POGLUT3: variants seen among roughly 807,000 people sequenced by gnomAD.
POGLUT3 encodes the protein KDEL (Lys-Asp-Glu-Leu) containing 2.
In POGLUT3, 48 loss-of-function variants were observed where a neutral mutation model predicts 54.3. The ratio of observed to expected loss-of-function variants is 0.88; its 90% CI spans 0.70 to 1.12. The LOEUF (loss-of-function observed/expected upper bound fraction) is 1.12. Ranked by LOEUF, POGLUT3 falls within the 50% of genes most tolerant of loss-of-function variation. The pLI is 0.00. For synonymous variants in POGLUT3, 218 were observed against 237.4 expected, an observed-to-expected ratio of 0.92 and a Z score of 0.75; for missense variants, 629 against 618.7, an observed-to-expected ratio of 1.02 and a Z score of -0.18.
chr11:108,479,630 T>C, intron 5 of POGLUT3, 135 bp from the exon 6 acceptor site: 1 of 542,248 alleles, frequency 1.8e-6, no homozygotes, highest in Admixed American at 3.9e-5. Context: ...AAAAGTTTTA[T>C]TTTATAACTT....
chr11:108,488,244 C>G (rs1020453291), intron 2 of POGLUT3, among the ~76,000 whole-genome samples: 1 of 151,938 alleles, frequency 6.6e-6, no homozygotes, highest in African/African-American at 2.4e-5. Context: ...AGGTTGGTCT[C>G]GAACTCCTGA....
intron 1 of POGLUT3, among the ~76,000 whole-genome samples, chr11:108,496,912 A>G (rs1222453343): frequency 6.6e-6 from 1 of 152,184 alleles, no homozygotes. Context: ...TTTCCCGAAC[A>G]CCACGGTCTC....
rs540337259 is a variant in POGLUT3 at position 108,498,243 on chromosome 11, C to G, written c.124G>C (p.Ala42Pro). The G allele has an allele frequency of 4.6e-6, 7 of 1,508,480 alleles. No homozygotes were observed. The South Asian group carries it at 8.8e-5, about 19-fold the overall frequency. 93.4% of individuals were successfully genotyped at this position (1,508,480 alleles called of 1,614,324 possible). A position where few individuals can be genotyped will look rare whatever the true frequency, so the allele number is the denominator to read the frequency against. ...SLVWGPGLQA[A>P]VVLPVRYFYL... is the part of the protein sequence containing the mutation. ...AAATAGCGGACCGGCAGGACGACGG[C>G]CGCCTGCAGCCCGGGCCCCCACACC... The change falls in exon 1 of 8, where the codon GCC becomes CCC. Residue 42 changes from alanine (A) to proline (P), a missense_variant. Ala to Pro is a conservative substitution (Grantham distance 27). Coordinates refer to ENST00000323468, the MANE Select transcript of POGLUT3 (RefSeq NM_153705.5).
Position 108,474,508 on chromosome 11 carries a change from A to G in POGLUT3, c.*319T>C, listed in dbSNP as rs2093576432. The G allele has an allele frequency of 6.1e-6, 1 of 164,258 alleles. No homozygotes were observed. Among genetic ancestry groups the G allele is most frequent in the Non-Finnish European group, 1.3e-5 (1 of 76,126 alleles). The allele number at this position is 164,258 out of a possible 1,614,324, so 10.2% of individuals were successfully genotyped here. ...ATTATTAAAAATATTATATAAAATT[A>G]CCTTCAGGGTATGTGAACAAGGTAT... On this transcript the variant is annotated 3_prime_UTR_variant, in exon 8 of 8. Coordinates refer to ENST00000323468, the MANE Select transcript of POGLUT3 (RefSeq NM_153705.5).
chr11:108,482,090 G>C lies in POGLUT3; in HGVS notation c.817C>G (p.Leu273Val), dbSNP rs2093593929. The C allele has an allele frequency of 8.1e-6, 13 of 1,614,094 alleles. No homozygotes were observed. The highest frequency in any genetic ancestry group is 9.3e-6 in the Non-Finnish European group (11 of 1,180,006). ...GAGTGGGTGATGTCATACGTTGGAA[G>C]GACAACATCTCTTGAATCCAGAGAG... ...CGSLDSRDVV[L>V]PTYDITHSML... The change falls in exon 4 of 8, where the codon CTT becomes GTT. Residue 273 changes from leucine to valine, a missense_variant. Transcript: ENST00000323468.
rs1312245919 is a variant in POGLUT3, at chr11:108,480,078, C to T, written c.1099-583G>A. 4.6e-5 allele frequency among the ~76,000 whole-genome samples: 7 copies of T among 152,192 alleles called. No individual in the cohort carries two copies. The East Asian group carries it at 1.3e-3, about 29-fold the overall frequency. ...CTCAAACTCCTGACCTCAGGTGATT[C>T]GCCCGCCTCAGCCTCCCAAAGTGCT... On this transcript the variant is annotated intron_variant, in intron 5 of 7. Transcript: ENST00000323468.
chr11:108,498,023 A>C (rs2093625408), intron 1 of POGLUT3, 142 bp downstream of exon 1: 1 of 614,284 alleles, frequency 1.6e-6, no homozygotes, highest in South Asian at 2.6e-5. Flanking sequence ...GGGCGGGAGG[A>C]GGGAAGAGGA....
chr11:108,485,646 T>C (rs1166830794), intron 3 of POGLUT3, among the ~76,000 whole-genome samples: 2 of 149,580 alleles, frequency 1.3e-5, no homozygotes, highest in East Asian at 3.9e-4. Context: ...TTTTATTTAT[T>C]TATTTATTTA....
At position 108,485,232 on chromosome 11, in the gene POGLUT3, A is replaced by G. The variant is rs551954590; in HGVS notation, c.684+925T>C. On this transcript the variant is annotated intron_variant, in intron 3 of 7. Transcript: ENST00000323468. Reference sequence around the variant, plus strand: ...CTTCTAGGTATGCTTAGGGTAAAACAAGGAAAATGTGTTCTAAGTTCAAGT... The same window carrying G: ...CTTCTAGGTATGCTTAGGGTAAAACGAGGAAAATGTGTTCTAAGTTCAAGT... Among the ~76,000 whole-genome samples, 7 of 152,356 alleles carry G rather than the reference A, an allele frequency of 4.6e-5. No homozygotes were observed. The South Asian group carries it at 1.5e-3, about 32-fold the overall frequency.
At position 108,477,589 on chromosome 11, in the gene POGLUT3, C is replaced by G. The variant is rs761467570; in HGVS notation, c.1398+18G>C. ...AGGACACCCGACCCAGCAGTGTGGA[C>G]GGACACTCTGAACTGACCTGCAGTA... On this transcript the variant is annotated intron_variant, in intron 7 of 7. Coordinates refer to ENST00000323468, the MANE Select transcript of POGLUT3 (RefSeq NM_153705.5). The G allele has an allele frequency of 2.7e-6, 4 of 1,493,546 alleles. No homozygotes were observed. The highest frequency in any genetic ancestry group is 2.8e-6 in the Non-Finnish European group (3 of 1,073,218). The allele number at this position is 1,493,546 out of a possible 1,614,324, so 92.5% of individuals were successfully genotyped here. A position where few individuals can be genotyped will look rare whatever the true frequency, so the allele number is the denominator to read the frequency against.
At chr11:108,494,708 T>A (rs2093619147) in intron 1 of POGLUT3, among the ~76,000 whole-genome samples, 1 of 152,222 alleles carries the variant, frequency 6.6e-6, no homozygotes, top group East Asian at 1.9e-4. Context: ...GAGGTAAGAT[T>A]ATTTTATGAA....
intron 5 of POGLUT3, 22 bp from the exon 6 acceptor site, chr11:108,479,517 T>TAAAC (rs745428183): frequency 1.3e-6 from 2 of 1,557,410 alleles, no homozygotes; most frequent in Non-Finnish European, 1.7e-6. Flanking sequence ...AAAACAAACA[T>TAAAC]AAACAAACTT....
chr11:108,486,380 A>G lies in POGLUT3; in HGVS notation c.461T>C (p.Leu154Pro), dbSNP rs1271863878. 6 of 1,614,180 alleles carry G rather than the reference A, an allele frequency of 3.7e-6. No individual in the cohort carries two copies. Among genetic ancestry groups the G allele is most frequent in the Non-Finnish European group, 5.1e-6 (6 of 1,180,028 alleles). ...CTGTGGTTCCTTGGTTGGACAAGAA[A>G]GAGTCTTCTGCCAGGCCTGAGGATC... is the stretch of plus-strand genomic sequence containing the variant. Reference protein sequence around the residue: ...PEDPQAWQKTLSCPTKEPQIA... With the variant: ...PEDPQAWQKTPSCPTKEPQIA... Residue 154 changes from leucine (L) to proline (P), a missense_variant, in exon 3 of 8, where the codon CTT (leucine) becomes CCT (proline). Physicochemically the swap from Leu to Pro is moderately conservative, Grantham distance 98. Transcript: ENST00000323468.
At chr11:108,497,418 A>C (rs56393920) in intron 1 of POGLUT3, among the ~76,000 whole-genome samples, 26,011 of 152,122 alleles carry the variant, frequency 0.17, 2,367 homozygotes, top group African/African-American at 0.2. Context: ...CTGATACAAC[A>C]AGGTGCTAGT....
chr11:108,496,554 C>A (rs958575767), intron 1 of POGLUT3, among the ~76,000 whole-genome samples: 3 of 150,852 alleles, frequency 2.0e-5, no homozygotes, highest in African/African-American at 7.3e-5. Flanking sequence ...GTTTGTGAAA[C>A]CCTGATATAC....
At chr11:108,477,361 T>C (rs1042406100) in intron 7 of POGLUT3, among the ~76,000 whole-genome samples, 1 of 152,112 alleles carries the variant, frequency 6.6e-6, no homozygotes, top group Admixed American at 6.5e-5. Context: ...ATTGAGACAC[T>C]GCACTCCAGC....
Position 108,474,266 on chromosome 11 carries a change from A to G in POGLUT3, c.*561T>C, listed in dbSNP as rs959973753. 57 of 152,216 alleles carry G rather than the reference A, an allele frequency of 3.7e-4. No individual in the cohort carries two copies. The highest frequency in any genetic ancestry group is 1.4e-3 in the African/African-American group (56 of 41,464). The allele number at this position is 152,216 out of a possible 1,614,324, so 9.4% of individuals were successfully genotyped here. A position where few individuals can be genotyped will look rare whatever the true frequency, so the allele number is the denominator to read the frequency against. On this transcript the variant is annotated 3_prime_UTR_variant, in exon 8 of 8. Transcript: ENST00000323468. ...TCTTTTTAGAGAAACTATGATGCTGATAATAGCAGTTTTTACGCAAAAGAT... is the reference window on the plus strand; with the variant it reads ...TCTTTTTAGAGAAACTATGATGCTGGTAATAGCAGTTTTTACGCAAAAGAT...
chr11:108,476,183 G>C (rs1181624012), intron 7 of POGLUT3, among the ~76,000 whole-genome samples: 2 of 152,134 alleles, frequency 1.3e-5, no homozygotes, highest in African/African-American at 4.8e-5. Context: ...GCCCAGGCTG[G>C]AGTGCAGTGG....
At chr11:108,488,283 C>T (rs1368415816) in intron 2 of POGLUT3, among the ~76,000 whole-genome samples, 1 of 152,136 alleles carries the variant, frequency 6.6e-6, no homozygotes, top group Non-Finnish European at 1.5e-5. Flanking sequence ...CTTCGGTCTC[C>T]CAAAGTGCTG....
Sources: allele counts gnomAD v4.1 joint callset (sites outside exome capture counted in the v4.1 genomes callset), GRCh38; gene constraint gnomAD v4.1.1; transcripts MANE v1.5; gene names NCBI Gene and HGNC (gene_info 2026-07-23, HGNC 2026-07-21).